Variants in ZMYND12 observed in about 807,000 individuals in gnomAD.
The protein encoded by ZMYND12 is zinc finger MYND-type containing 12.
A neutral mutation model predicts 41.7 loss-of-function variants in ZMYND12; 32 were observed. That is an observed-to-expected ratio of 0.77 (90% CI 0.58 to 1.03). The LOEUF (loss-of-function observed/expected upper bound fraction) is 1.03, where lower values mean the gene tolerates loss of function less well. Among genes scored for constraint, ZMYND12 ranks in the 50% least tolerant of loss-of-function variants. The pLI, the probability that ZMYND12 is intolerant of heterozygous loss-of-function variation, is 0.00. For missense variants in ZMYND12, 424 were observed against 438.5 expected (o/e 0.97, Z 0.30); for synonymous variants, 148 against 164.8 (o/e 0.90, Z 0.78).
At position 42,436,476 on chromosome 1, in the gene ZMYND12, G is replaced by A. The variant is rs2148405062; in HGVS notation, c.662C>T (p.Ala221Val). The change falls in exon 5 of 8, where the codon GCT (alanine) becomes GTT (valine). Residue 221 changes from alanine (A) to valine (V), a missense_variant. Ala to Val is a moderately conservative substitution (Grantham distance 64). Transcript: ENST00000372565. ...IRTSGGYFHL[A>V]NIFYDLKKLD... ...CTTTTTAAGGTCATAGAATATATTA[G>A]CCAGGTGGAAGTAGCCTCCTGAAGT... 1 of 1,613,798 alleles carries A rather than the reference G, an allele frequency of 6.2e-7. No homozygotes were observed. The highest frequency in any genetic ancestry group is 2.2e-5 in the East Asian group (1 of 44,870).
chr1:42,446,143 C>T (rs187727346), intron 3 of ZMYND12, among the ~76,000 whole-genome samples: 16 of 151,954 alleles, frequency 1.1e-4, no homozygotes, highest in African/African-American at 3.1e-4. Flanking sequence ...GCCCATGGAG[C>T]GGGAAGAGGT....
At chr1:42,439,367 G>C (rs961120815) in intron 4 of ZMYND12, among the ~76,000 whole-genome samples, 16 of 151,970 alleles carry the variant, frequency 1.1e-4, no homozygotes, top group Non-Finnish European at 2.4e-4. Flanking sequence ...CCGGGTTCAG[G>C]TGATTCCCCT....
chr1:42,451,405 TAAATG>T (rs1643081889), intron 1 of ZMYND12, among the ~76,000 whole-genome samples: 1 of 152,240 alleles, frequency 6.6e-6, no homozygotes, highest in African/African-American at 2.4e-5. Context: ...CATTTTCACT[TAAATG>T]TAAGTTAACT....
chr1:42,433,010 T>G, intron 7 of ZMYND12, 133 bp downstream of exon 7: 1 of 1,131,682 alleles, frequency 8.8e-7, no homozygotes. Flanking sequence ...ATCGTGAGCA[T>G]CTGAACCTCT....
chr1:42,435,187 G>C, intron 6 of ZMYND12, 87 bp downstream of exon 6: 1 of 1,020,026 alleles, frequency 9.8e-7, no homozygotes, highest in South Asian at 1.4e-5. Context: ...TCATGACAGG[G>C]ACAGCTGCTT....
chr1:42,447,298 C>T lies in ZMYND12; in HGVS notation c.424+1169G>A, dbSNP rs115910297. ...TACTGTTTTTGCCAAAAATCCATAA[C>T]GTGAGTCCCATCATTAGGAAATATC... On this transcript the variant is annotated intron_variant, in intron 3 of 7. Coordinates refer to ENST00000372565, the MANE Select transcript of ZMYND12 (RefSeq NM_032257.5). Among the ~76,000 whole-genome samples the T allele has an allele frequency of 4.5e-3, 680 of 152,244 alleles. 3 individuals are homozygous for T. Among genetic ancestry groups the T allele is most frequent in the African/African-American group, 0.016 (648 of 41,530 alleles).
intron 3 of ZMYND12, among the ~76,000 whole-genome samples, chr1:42,440,667 TTTG>T (rs140012893): frequency 0.17 from 25,350 of 151,768 alleles, 2,242 homozygotes; most frequent in African/African-American, 0.22. Context: ...TTGTCCTTTT[TTTG>T]TTGTTGTTGT....
At chr1:42,451,771 G>C (rs1341634006) in intron 1 of ZMYND12, among the ~76,000 whole-genome samples, 1 of 152,204 alleles carries the variant, frequency 6.6e-6, no homozygotes, top group East Asian at 1.9e-4. Flanking sequence ...ACTTAGCCAG[G>C]ATATAGCTGA....
intron 2 of ZMYND12, 42 bp downstream of exon 2, chr1:42,449,876 C>A: frequency 6.2e-7 from 1 of 1,601,694 alleles, no homozygotes; most frequent in Non-Finnish European, 8.5e-7. Context: ...GGCAGCTTCA[C>A]CGCACCTACG....
chr1:42,437,297 T>C (rs1031644572), intron 4 of ZMYND12, among the ~76,000 whole-genome samples: 1 of 152,202 alleles, frequency 6.6e-6, no homozygotes. Context: ...TGACTGCGCA[T>C]GGATACAAGG....
chr1:42,442,107 CA>C (rs112378393), intron 3 of ZMYND12, among the ~76,000 whole-genome samples: 1,824 of 152,040 alleles, frequency 0.012, 36 homozygotes, highest in African/African-American at 0.042. Context: ...TGGTGGTAGG[CA>C]GGGGGCAGGT....
intron 3 of ZMYND12, among the ~76,000 whole-genome samples, chr1:42,445,847 G>T (rs1266916123): frequency 6.6e-6 from 1 of 152,170 alleles, no homozygotes; most frequent in Admixed American, 6.5e-5. Context: ...GGGGAGACCA[G>T]TTAGTAGGCA....
intron 6 of ZMYND12, among the ~76,000 whole-genome samples, chr1:42,434,983 A>C (rs531444172): frequency 1.8e-4 from 27 of 152,068 alleles, no homozygotes; most frequent in African/African-American, 6.3e-4. Context: ...TAACATAGAA[A>C]TGGATGCTCT....
chr1:42,436,636 G>T, intron 4 of ZMYND12, 93 bp from the exon 5 acceptor site: 1 of 1,431,110 alleles, frequency 7.0e-7, no homozygotes, highest in Non-Finnish European at 9.4e-7. Context: ...ACAAAAAACT[G>T]TTACAACATT....
Position 42,433,306 on chromosome 1 carries a change from G to A in ZMYND12, c.830-18C>T, listed in dbSNP as rs775577694. On this transcript the variant is annotated intron_variant, in intron 6 of 7. Transcript: ENST00000372565. ...GGCTTCATCTGCATTGGAAGGGGAAGAAAGAAAAAACAGGCTCTTGGCAAC... is the reference window on the plus strand; with the variant it reads ...GGCTTCATCTGCATTGGAAGGGGAAAAAAGAAAAAACAGGCTCTTGGCAAC... 6.3e-6 allele frequency: 10 copies of A among 1,586,190 alleles called. No individual in the cohort carries two copies. Among genetic ancestry groups the A allele is most frequent in the Non-Finnish European group, 6.8e-6 (8 of 1,171,300 alleles).
At chr1:42,433,382 G>A (rs2148404069) in intron 6 of ZMYND12, 94 bp from the exon 7 acceptor site, 1 of 1,418,368 alleles carries the variant, frequency 7.1e-7, no homozygotes, top group Non-Finnish European at 9.3e-7. Flanking sequence ...CTGGTCTGCT[G>A]AAGCCTTCCC....
chr1:42,433,373 TG>T, intron 6 of ZMYND12, 85 bp from the exon 7 acceptor site: 2 of 1,464,254 alleles, frequency 1.4e-6, no homozygotes, highest in Non-Finnish European at 9.0e-7. Context: ...TTAAAGCGCC[TG>T]GTCTGCTGAA....
intron 2 of ZMYND12, among the ~76,000 whole-genome samples, chr1:42,448,930 C>T (rs12409987): frequency 0.18 from 27,253 of 152,216 alleles, 2,655 homozygotes; most frequent in African/African-American, 0.24. Flanking sequence ...ATTGTTTTTA[C>T]AGTTCTAATA....
chr1:42,441,201 G>C (rs1012026096), intron 3 of ZMYND12, among the ~76,000 whole-genome samples: 3 of 152,154 alleles, frequency 2.0e-5, no homozygotes, highest in Admixed American at 1.3e-4. Context: ...GAGATGGAGA[G>C]GGACACTGAA....
Sources: gnomAD v4.1 joint callset for allele counts (sites outside exome capture counted in the v4.1 genomes callset) on GRCh38, gnomAD v4.1.1 for gene constraint, MANE v1.5 for transcripts, NCBI Gene and HGNC (gene_info 2026-07-23, HGNC 2026-07-21) for gene names.